Variants in ERBB4 observed in about 807,000 individuals in gnomAD.
The protein encoded by ERBB4 is erb-b2 receptor tyrosine kinase 4.
Under a neutral mutation model 158.0 loss-of-function variants are expected in ERBB4, and 42 were observed. That is an observed-to-expected ratio of 0.27 (90% CI 0.21 to 0.34). ERBB4 has a LOEUF of 0.34. Ranked by LOEUF, ERBB4 falls within the 10% of genes least tolerant of loss-of-function variation. The pLI, the probability that ERBB4 is intolerant of heterozygous loss-of-function variation, is 1.00. For missense variants in ERBB4, 1,333 were observed against 1,624.1 expected (o/e 0.82, Z 3.08); for synonymous variants, 583 against 558.7 (o/e 1.04, Z -0.61).
chr2:211,973,263 G>A (rs953535460), intron 2 of ERBB4, among the ~76,000 whole-genome samples: 5 of 151,524 alleles, frequency 3.3e-5, no homozygotes, highest in East Asian at 1.9e-4. Flanking sequence ...GTGCAGTGGC[G>A]GGATCTCAGC....
chr2:211,508,763 C>T (rs899644362), intron 20 of ERBB4, among the ~76,000 whole-genome samples: 2 of 152,084 alleles, frequency 1.3e-5, no homozygotes, highest in Non-Finnish European at 2.9e-5. Context: ...CCCAAACGCC[C>T]ATCAGTGATA....
intron 3 of ERBB4, among the ~76,000 whole-genome samples, chr2:211,902,707 T>A (rs2079269721): frequency 6.6e-6 from 1 of 151,664 alleles, no homozygotes; most frequent in African/African-American, 2.4e-5. Context: ...TCTATGTATA[T>A]TTTTTTCTTA....
intron 20 of ERBB4, among the ~76,000 whole-genome samples, chr2:211,548,385 T>C (rs1195518463): frequency 6.7e-6 from 1 of 149,718 alleles, no homozygotes; most frequent in East Asian, 2.0e-4. Context: ...ACACAAAAAG[T>C]ATTTCAAAGC....
Position 211,812,793 on chromosome 2 carries a change from T to A in ERBB4, c.422-24634A>T, listed in dbSNP as rs148370992. 9.4e-3 allele frequency among the ~76,000 whole-genome samples: 1,435 copies of A among 152,302 alleles called. 26 individuals are homozygous for A. Among genetic ancestry groups the A allele is most frequent in the African/African-American group, 0.033 (1,357 of 41,562 alleles). On this transcript the variant is annotated intron_variant, in intron 3 of 27. Transcript: ENST00000342788. ...AGGCTGCTGCAGTCTCACAGGTCAATCTGAGACTGCTGTGCTAGCAGTGAG... is the reference window on the plus strand; with the variant it reads ...AGGCTGCTGCAGTCTCACAGGTCAAACTGAGACTGCTGTGCTAGCAGTGAG...
At chr2:211,967,359 T>C (rs150202885) in intron 2 of ERBB4, among the ~76,000 whole-genome samples, 3 of 152,130 alleles carry the variant, frequency 2.0e-5, no homozygotes, top group Admixed American at 2.0e-4. Flanking sequence ...GAAAATGTTA[T>C]GTAAATTTCA....
chr2:212,268,009 C>G (rs187675484), intron 1 of ERBB4, among the ~76,000 whole-genome samples: 1 of 151,834 alleles, frequency 6.6e-6, no homozygotes, highest in Non-Finnish European at 1.5e-5. Flanking sequence ...ATGCCCAATA[C>G]AGAACAAATC....
intron 1 of ERBB4, among the ~76,000 whole-genome samples, chr2:212,420,586 CTT>C (rs1480011111): frequency 6.6e-6 from 1 of 152,082 alleles, no homozygotes; most frequent in African/African-American, 2.4e-5. Flanking sequence ...AGGCTTTTGT[CTT>C]TTCAGAAAAG....
chr2:211,638,241 T>A (rs1450783947), intron 16 of ERBB4, among the ~76,000 whole-genome samples: 1 of 152,084 alleles, frequency 6.6e-6, no homozygotes, highest in Non-Finnish European at 1.5e-5. Flanking sequence ...TGACAGTACC[T>A]ATTGTACTGC....
At chr2:211,858,663 T>C (rs143566129) in intron 3 of ERBB4, among the ~76,000 whole-genome samples, 108 of 152,328 alleles carry the variant, frequency 7.1e-4, no homozygotes, top group Non-Finnish European at 1.3e-3. Context: ...AAAAACCTAG[T>C]TGTAAATAAG....
At chr2:211,799,412 C>A (rs531055338) in intron 3 of ERBB4, among the ~76,000 whole-genome samples, 1 of 152,000 alleles carries the variant, frequency 6.6e-6, no homozygotes, top group African/African-American at 2.4e-5. Flanking sequence ...AAAATCTTTG[C>A]GGATCTTTGT....
chr2:212,122,106 A>G (rs143287722), intron 2 of ERBB4, among the ~76,000 whole-genome samples: 3 of 151,230 alleles, frequency 2.0e-5, no homozygotes, highest in East Asian at 1.9e-4. Flanking sequence ...AAACACATAT[A>G]TATCACATAT....
chr2:212,536,850 C>A (rs1693098745), intron 1 of ERBB4, among the ~76,000 whole-genome samples: 1 of 152,082 alleles, frequency 6.6e-6, no homozygotes, highest in Admixed American at 6.5e-5. Flanking sequence ...TCGCCAATGC[C>A]TTTGAATGGG....
intron 19 of ERBB4, among the ~76,000 whole-genome samples, chr2:211,586,034 C>T (rs1028347997): frequency 6.6e-6 from 1 of 152,074 alleles, no homozygotes; most frequent in Non-Finnish European, 1.5e-5. Context: ...TCCTGCCTTC[C>T]TTCCATTACC....
At chr2:211,848,427 T>C (rs893104971) in intron 3 of ERBB4, among the ~76,000 whole-genome samples, 5 of 152,098 alleles carry the variant, frequency 3.3e-5, no homozygotes, top group Non-Finnish European at 5.9e-5. Flanking sequence ...TCTAGCCTAA[T>C]GGAGTAAAAT....
intron 1 of ERBB4, among the ~76,000 whole-genome samples, chr2:212,271,113 T>C (rs1455088273): frequency 6.6e-6 from 1 of 151,778 alleles, no homozygotes; most frequent in East Asian, 1.9e-4. Context: ...TACATAATAT[T>C]TGGAAACTTG....
intron 2 of ERBB4, among the ~76,000 whole-genome samples, chr2:212,022,372 G>A (rs1307715776): frequency 6.6e-6 from 1 of 152,122 alleles, no homozygotes; most frequent in East Asian, 1.9e-4. Context: ...ACCAGATCGT[G>A]TCATTTGCAG....
intron 1 of ERBB4, among the ~76,000 whole-genome samples, chr2:212,313,882 G>A (rs1291856219): frequency 6.6e-6 from 1 of 150,828 alleles, no homozygotes; most frequent in Non-Finnish European, 1.5e-5. Context: ...GTGTTAAATG[G>A]GATAGAATCT....
At chr2:212,143,472 T>C (rs1461933015) in intron 1 of ERBB4, among the ~76,000 whole-genome samples, 1 of 151,978 alleles carries the variant, frequency 6.6e-6, no homozygotes, top group African/African-American at 2.4e-5. Context: ...TTGGGTATCC[T>C]GGGAAAAAAA....
chr2:212,255,061 T>C (rs1447580379), intron 1 of ERBB4, among the ~76,000 whole-genome samples: 1 of 152,280 alleles, frequency 6.6e-6, no homozygotes, highest in Admixed American at 6.5e-5. Flanking sequence ...TATGCATCTA[T>C]CCATATTATT....
Sources: gnomAD v4.1 joint callset for allele counts (sites outside exome capture counted in the v4.1 genomes callset) on GRCh38, gnomAD v4.1.1 for gene constraint, MANE v1.5 for transcripts, NCBI Gene and HGNC (gene_info 2026-07-23, HGNC 2026-07-21) for gene names.